The following MCC variants were observed in gnomAD, a reference collection of about 807,000 sequenced individuals.
MCC encodes the protein colorectal mutant cancer protein.
MCC carries 90 observed loss-of-function variants against 116.2 expected under a neutral mutation model. The ratio of observed to expected loss-of-function variants is 0.77; its 90% CI spans 0.65 to 0.92. The LOEUF (loss-of-function observed/expected upper bound fraction) is 0.92. Ranked by LOEUF, MCC falls within the 40% of genes least tolerant of loss-of-function variation. The pLI, the probability that MCC is intolerant of heterozygous loss-of-function variation, is 0.00. For synonymous variants in MCC, 578 were observed against 510.5 expected (o/e 1.13, Z -1.78); for missense variants, 1,516 against 1,312.2 (o/e 1.16, Z -2.40).
At chr5:113,208,545 C>T (rs773380218) in intron 3 of MCC, among the ~76,000 whole-genome samples, 2 of 152,030 alleles carry the variant, frequency 1.3e-5, no homozygotes, top group African/African-American at 4.8e-5. Context: ...CTAGGTTCTT[C>T]GAGATGGGAT....
At chr5:113,183,648 T>A (rs1761739702) in intron 3 of MCC, among the ~76,000 whole-genome samples, 1 of 151,558 alleles carries the variant, frequency 6.6e-6, no homozygotes, top group Admixed American at 6.6e-5. Flanking sequence ...AGGATGAGAG[T>A]CTCATACGCA....
chr5:113,468,350 C>T (rs1451881802), intron 1 of MCC, among the ~76,000 whole-genome samples: 2 of 152,116 alleles, frequency 1.3e-5, no homozygotes, highest in Non-Finnish European at 2.9e-5. Context: ...TTTTGAGATA[C>T]ATACCATCAA....
At position 113,038,507 on chromosome 5, in the gene MCC, G is replaced by C. The variant is rs144737931; in HGVS notation, c.2756+5023C>G. ...GGCGCTAGGAACCAAAAAAGAAGTG[G>C]GAGAGGGTGTCATTTCTGCTGGGAG... is the stretch of plus-strand genomic sequence containing the variant. On this transcript the variant is annotated intron_variant, in intron 17 of 18. Coordinates refer to ENST00000408903, the MANE Select transcript of MCC (RefSeq NM_001085377.2). Among the ~76,000 whole-genome samples the C allele has an allele frequency of 3.3e-5, 5 of 152,240 alleles. 1 individual carries two copies. The East Asian group carries it at 9.7e-4, about 29-fold the overall frequency.
intron 1 of MCC, among the ~76,000 whole-genome samples, chr5:113,412,230 G>C (rs1459474690): frequency 2.0e-5 from 3 of 152,100 alleles, no homozygotes; most frequent in Non-Finnish European, 4.4e-5. Flanking sequence ...TGTTCTTTTT[G>C]CTTAGGATTG....
intron 17 of MCC, among the ~76,000 whole-genome samples, chr5:113,035,937 A>C (rs1326657067): frequency 6.6e-6 from 1 of 151,728 alleles, no homozygotes; most frequent in East Asian, 1.9e-4. Context: ...GTCCTTTATA[A>C]GGATAACATC....
At chr5:113,402,688 A>T (rs1202305495) in intron 1 of MCC, among the ~76,000 whole-genome samples, 1 of 152,216 alleles carries the variant, frequency 6.6e-6, no homozygotes, top group African/African-American at 2.4e-5. Flanking sequence ...ATTATAATCA[A>T]AATATTATAG....
At chr5:113,098,739 G>A (rs1010546582) in intron 8 of MCC, among the ~76,000 whole-genome samples, 4 of 152,090 alleles carry the variant, frequency 2.6e-5, no homozygotes, top group Non-Finnish European at 4.4e-5. Flanking sequence ...TTACAGGCAC[G>A]GTTCAAGCAC....
chr5:113,232,917 TA>T (rs1230603769), intron 3 of MCC, among the ~76,000 whole-genome samples: 6 of 152,276 alleles, frequency 3.9e-5, no homozygotes, highest in Admixed American at 6.5e-5. Flanking sequence ...GGAGATGATT[TA>T]AAGTATCTAC....
chr5:113,208,474 T>TA (rs2150322442), intron 3 of MCC, among the ~76,000 whole-genome samples: 1 of 152,100 alleles, frequency 6.6e-6, no homozygotes, highest in South Asian at 2.1e-4. Context: ...CTGCCCCGTA[T>TA]AAAAAAATGT....
chr5:113,417,870 C>T (rs1212107324), intron 1 of MCC, among the ~76,000 whole-genome samples: 1 of 151,518 alleles, frequency 6.6e-6, no homozygotes, highest in African/African-American at 2.4e-5. Context: ...GAGATCAAGG[C>T]TACAGTGAGC....
intron 3 of MCC, among the ~76,000 whole-genome samples, chr5:113,261,542 T>C (rs1765218839): frequency 6.6e-6 from 1 of 152,174 alleles, no homozygotes; most frequent in African/African-American, 2.4e-5. Flanking sequence ...AGGGCAGGTA[T>C]TTATGCCTTT....
rs987317490 is a variant in MCC, at chr5:113,289,351, A to C, written c.627+51168T>G. On this transcript the variant is annotated intron_variant, in intron 3 of 18. Coordinates refer to ENST00000408903, the MANE Select transcript of MCC (RefSeq NM_001085377.2). The stretch of plus-strand genomic sequence containing the variant: ...CTCAAAAAAAAAAAAAAAAATGAAA[A>C]GAAAAAAGAAAGAAGTCAGAGTTTT... 2.0e-5 allele frequency among the ~76,000 whole-genome samples: 3 copies of C among 151,946 alleles called. No individual in the cohort carries two copies. In the East Asian group the frequency reaches 5.8e-4, roughly 29 times the overall value.
At chr5:113,398,955 G>A (rs1323059471) in intron 1 of MCC, among the ~76,000 whole-genome samples, 1 of 152,084 alleles carries the variant, frequency 6.6e-6, no homozygotes, top group Non-Finnish European at 1.5e-5. Context: ...GTCACAGGTG[G>A]CTGTTTAAGT....
At chr5:113,469,993 A>G (rs1772034761) in intron 1 of MCC, among the ~76,000 whole-genome samples, 1 of 152,188 alleles carries the variant, frequency 6.6e-6, no homozygotes, top group Non-Finnish European at 1.5e-5. Flanking sequence ...ATCAGAGACT[A>G]GGATTGCAAC....
intron 3 of MCC, among the ~76,000 whole-genome samples, chr5:113,321,140 A>G (rs898431425): frequency 1.3e-5 from 2 of 152,256 alleles, no homozygotes; most frequent in Non-Finnish European, 2.9e-5. Flanking sequence ...AACAGAAACA[A>G]GGATAATAAG....
chr5:113,254,779 C>T (rs1764944430), intron 3 of MCC, among the ~76,000 whole-genome samples: 1 of 152,156 alleles, frequency 6.6e-6, no homozygotes, highest in African/African-American at 2.4e-5. Context: ...AAAAGCAAAC[C>T]ATCTCCTTGG....
intron 3 of MCC, among the ~76,000 whole-genome samples, chr5:113,235,741 A>T (rs1254667695): frequency 6.6e-6 from 1 of 152,218 alleles, no homozygotes; most frequent in Non-Finnish European, 1.5e-5. Flanking sequence ...CCTGCAGAGA[A>T]ACCATTTCGG....
rs1334772887 is a variant in MCC at position 113,434,936 on chromosome 5, T to C, written c.171-49724A>G. 1 of 1,467,112 alleles carries C rather than the reference T, an allele frequency of 6.8e-7. No homozygotes were observed. The highest frequency in any genetic ancestry group is 1.4e-5 in the African/African-American group (1 of 70,808). The allele number at this position is 1,467,112 out of a possible 1,614,324, so 90.9% of individuals were successfully genotyped here. A position where few individuals can be genotyped will look rare whatever the true frequency, so the allele number is the denominator to read the frequency against. On this transcript the variant is annotated intron_variant, in intron 1 of 18. Transcript: ENST00000408903. This position sits in a 1 kb window ranked among gnomAD's most constrained non-coding sequence, Gnocchi z 4.2. ...CATTTACATCCTGGATAGAGAGTCC[T>C]TTGGGCTGGCCAGGCCTGCTGTTCC... is the stretch of plus-strand genomic sequence containing the variant.
intron 2 of MCC, among the ~76,000 whole-genome samples, chr5:113,355,629 C>A (rs952582085): frequency 6.6e-6 from 1 of 152,058 alleles, no homozygotes; most frequent in African/African-American, 2.4e-5. Flanking sequence ...GGGGTTCTGG[C>A]GAGGGCTGTA....
Sources: gnomAD v4.1 joint callset for allele counts (sites outside exome capture counted in the v4.1 genomes callset) on GRCh38, gnomAD v4.1.1 for gene constraint, Gnocchi (gnomAD v3.1) non-coding constraint, MANE v1.5 for transcripts, NCBI Gene and HGNC (gene_info 2026-07-23, HGNC 2026-07-21) for gene names.